Variants in ANO4 observed in about 807,000 individuals in gnomAD.
The protein encoded by ANO4 is anoctamin 4.
Under a neutral mutation model 141.9 loss-of-function variants are expected in ANO4, and 69 were observed. That is an observed-to-expected ratio of 0.49 (90% CI 0.40 to 0.59). ANO4 has a LOEUF of 0.59. ANO4 is among the 20% of genes least tolerant of loss of function. ANO4 has a pLI of 0.00. For synonymous variants in ANO4, 350 were observed against 394.3 expected, an observed-to-expected ratio of 0.89 and a Z score of 1.33; for missense variants, 894 against 1,162.2, an observed-to-expected ratio of 0.77 and a Z score of 3.36.
At chr12:100,746,217 G>A (rs1021144797) in intron 3 of ANO4, among the ~76,000 whole-genome samples, 3 of 152,152 alleles carry the variant, frequency 2.0e-5, no homozygotes, top group Non-Finnish European at 1.5e-5. Context: ...ATTTTGGGAG[G>A]CTGAGGCAGG....
At chr12:100,908,279 G>A (rs2040937252) in intron 2 of ANO4, among the ~76,000 whole-genome samples, 1 of 152,208 alleles carries the variant, frequency 6.6e-6, no homozygotes, top group South Asian at 2.1e-4. Flanking sequence ...AACTCGGGAG[G>A]CGGAGGTTGC....
At chr12:100,972,258 A>G (rs1180144844) in intron 6 of ANO4, among the ~76,000 whole-genome samples, 1 of 152,236 alleles carries the variant, frequency 6.6e-6, no homozygotes, top group East Asian at 1.9e-4. Context: ...CCAACTCTAC[A>G]GTCTGTCTCT....
At chr12:101,034,029 C>T (rs2047093666) in intron 9 of ANO4, among the ~76,000 whole-genome samples, 1 of 152,176 alleles carries the variant, frequency 6.6e-6, no homozygotes, top group Admixed American at 6.5e-5. Context: ...AACACTTTTA[C>T]ACTGTTCTTG....
intron 9 of ANO4, among the ~76,000 whole-genome samples, chr12:101,035,548 T>C (rs1321389955): frequency 6.6e-6 from 1 of 152,186 alleles, no homozygotes. Flanking sequence ...AAAGCTGTTT[T>C]TAAAAAGATC....
chr12:100,930,912 G>A (rs1369431459), intron 3 of ANO4, among the ~76,000 whole-genome samples: 1 of 152,122 alleles, frequency 6.6e-6, no homozygotes, highest in East Asian at 1.9e-4. Flanking sequence ...CTCTTTGTCT[G>A]CTCCATGGCC....
chr12:101,104,944 G>T (rs1051241048), intron 22 of ANO4, among the ~76,000 whole-genome samples: 5 of 151,926 alleles, frequency 3.3e-5, no homozygotes, highest in African/African-American at 1.2e-4. Flanking sequence ...TTGAAACTGG[G>T]TTATTATGTA....
intron 10 of ANO4, among the ~76,000 whole-genome samples, chr12:101,038,184 A>G (rs2047272787): frequency 6.6e-6 from 1 of 152,178 alleles, no homozygotes; most frequent in Non-Finnish European, 1.5e-5. Flanking sequence ...ACTATGACAG[A>G]AGCAAACATT....
At chr12:100,864,522 C>T (rs1261089612) in intron 1 of ANO4, among the ~76,000 whole-genome samples, 1 of 152,158 alleles carries the variant, frequency 6.6e-6, no homozygotes, top group African/African-American at 2.4e-5. Flanking sequence ...TTGATTGCCA[C>T]TGTAGCTTCC....
chr12:100,753,507 G>T (rs771087310), intron 3 of ANO4, among the ~76,000 whole-genome samples: 1 of 152,080 alleles, frequency 6.6e-6, no homozygotes, highest in Non-Finnish European at 1.5e-5. Context: ...ACCTGAAGTT[G>T]CCTATAAAGG....
At chr12:100,886,275 C>T (rs1181125723) in intron 1 of ANO4, among the ~76,000 whole-genome samples, 2 of 151,770 alleles carry the variant, frequency 1.3e-5, no homozygotes, top group South Asian at 2.1e-4. Context: ...TGATTCCCCG[C>T]TGTCTTAGCA....
intron 18 of ANO4, among the ~76,000 whole-genome samples, chr12:101,094,569 A>G (rs2049905075): frequency 6.6e-6 from 1 of 152,216 alleles, no homozygotes; most frequent in Non-Finnish European, 1.5e-5. Flanking sequence ...ACAAAAGTAC[A>G]TTTGTATAAA....
At chr12:100,878,865 C>T (rs1306740221) in intron 1 of ANO4, among the ~76,000 whole-genome samples, 2 of 152,132 alleles carry the variant, frequency 1.3e-5, no homozygotes, top group East Asian at 1.9e-4. Flanking sequence ...CTCAATGATG[C>T]ATGTTCTGAT....
chr12:100,984,365 G>A (rs1375968993), intron 7 of ANO4, among the ~76,000 whole-genome samples: 1 of 152,114 alleles, frequency 6.6e-6, no homozygotes, highest in Non-Finnish European at 1.5e-5. Flanking sequence ...CAGATCACGG[G>A]GATTTTATTT....
intron 2 of ANO4, among the ~76,000 whole-genome samples, chr12:100,914,652 T>A (rs2041255129): frequency 6.6e-6 from 1 of 152,242 alleles, no homozygotes; most frequent in African/African-American, 2.4e-5. Flanking sequence ...GAACTTTTTT[T>A]TTCAGAACCA....
intron 1 of ANO4, among the ~76,000 whole-genome samples, chr12:100,825,043 G>A (rs1356001): frequency 0.18 from 27,590 of 151,830 alleles, 2,960 homozygotes; most frequent in Middle Eastern, 0.3. Flanking sequence ...GTTTTCTCCT[G>A]TTTATTTCTT....
rs77202907 is a variant in ANO4 at position 100,943,063 on chromosome 12, C to G, written c.456+528C>G. On this transcript the variant is annotated intron_variant, in intron 5 of 27. Transcript: ENST00000392977. Reference sequence around the variant, plus strand: ...TTTCAGGTCCCCAAGCTCAAGAGTGCCTTACCAGTGTTTGGTTCTTCCCCT... The same window carrying G: ...TTTCAGGTCCCCAAGCTCAAGAGTGGCTTACCAGTGTTTGGTTCTTCCCCT... Among the ~76,000 whole-genome samples, 420 of 152,224 alleles carry G rather than the reference C, an allele frequency of 2.8e-3. 6 individuals carry two copies. The highest frequency in any genetic ancestry group is 9.8e-3 in the African/African-American group (409 of 41,524).
intron 1 of ANO4, among the ~76,000 whole-genome samples, chr12:100,729,572 T>C (rs1027730585): frequency 2.0e-5 from 3 of 152,104 alleles, no homozygotes; most frequent in Non-Finnish European, 4.4e-5. Context: ...TGGAATAGAC[T>C]GTTTAATCTG....
chr12:100,851,426 A>G lies in ANO4; in HGVS notation c.-140-50220A>G, dbSNP rs183814611. Among the ~76,000 whole-genome samples the G allele has an allele frequency of 2.6e-5, 4 of 152,194 alleles. No homozygotes were observed. The East Asian group carries it at 7.7e-4, about 29-fold the overall frequency. ...CCAGAGATTTTAATGTTCTTTCTAT[A>G]TAAACTATATTTCAATGGTCACAGA... On this transcript the variant is annotated intron_variant, in intron 1 of 27. Coordinates refer to ENST00000392977, the MANE Select transcript of ANO4 (RefSeq NM_001286615.2).
intron 5 of ANO4, among the ~76,000 whole-genome samples, chr12:100,959,635 C>G (rs1281541021): frequency 6.6e-6 from 1 of 152,190 alleles, no homozygotes; most frequent in Admixed American, 6.5e-5. Flanking sequence ...CTGGCCTCAC[C>G]AGCAGCTTTC....
Sources: allele counts gnomAD v4.1 joint callset (sites outside exome capture counted in the v4.1 genomes callset), GRCh38; gene constraint gnomAD v4.1.1; transcripts MANE v1.5; gene names NCBI Gene and HGNC (gene_info 2026-07-23, HGNC 2026-07-21).